The following LIMCH1 variants were observed in gnomAD, a reference collection of about 807,000 sequenced individuals.
LIMCH1 encodes LIM and calponin homology domains-containing protein 1.
Under a neutral mutation model 176.5 loss-of-function variants are expected in LIMCH1, and 113 were observed. The ratio of observed to expected loss-of-function variants is 0.64; its 90% confidence interval spans 0.55 to 0.75. The LOEUF is 0.75. Ranked by LOEUF, LIMCH1 falls within the 30% of genes least tolerant of loss-of-function variation. The probability of loss-of-function intolerance (pLI) is 0.00; values close to 1 mark genes in which losing one functional copy is unlikely to be tolerated. For missense variants in LIMCH1, 1,674 were observed against 1,814.9 expected, an observed-to-expected ratio of 0.92 and a Z score of 1.41; for synonymous variants, 619 against 645.9, an observed-to-expected ratio of 0.96 and a Z score of 0.63.
chr4:41,570,086 T>C (rs571340645), intron 1 of LIMCH1, among the ~76,000 whole-genome samples: 3 of 152,312 alleles, frequency 2.0e-5, no homozygotes, highest in Non-Finnish European at 4.4e-5. Flanking sequence ...GCGTGGGATA[T>C]TAGGTATGAG....
intron 4 of LIMCH1, among the ~76,000 whole-genome samples, chr4:41,607,073 G>A (rs1486184418): frequency 2.6e-5 from 4 of 152,100 alleles, no homozygotes; most frequent in Non-Finnish European, 5.9e-5. Flanking sequence ...TGCTGAGATT[G>A]CAAGTGTGAG....
intron 2 of LIMCH1, among the ~76,000 whole-genome samples, chr4:41,506,965 C>T (rs565045652): frequency 6.6e-6 from 1 of 152,288 alleles, no homozygotes; most frequent in African/African-American, 2.4e-5. Context: ...AACAGGTCCT[C>T]AGGTGATCCA....
At chr4:41,486,971 C>CAT (rs1331280102) in intron 1 of LIMCH1, among the ~76,000 whole-genome samples, 154 of 127,890 alleles carry the variant, frequency 1.2e-3, no homozygotes, top group Middle Eastern at 3.7e-3. Context: ...CACACACACA[C>CAT]ATACATACAC....
chr4:41,664,428 G>T (rs2152989377), intron 20 of LIMCH1, among the ~76,000 whole-genome samples: 1 of 152,276 alleles, frequency 6.6e-6, no homozygotes, highest in Middle Eastern at 3.4e-3. Context: ...AATGCCTGTT[G>T]CCTTGATGCG....
intron 1 of LIMCH1, among the ~76,000 whole-genome samples, chr4:41,544,627 C>T (rs1479987341): frequency 6.6e-6 from 1 of 152,140 alleles, no homozygotes; most frequent in Non-Finnish European, 1.5e-5. Flanking sequence ...ACCTCCTCTC[C>T]AAGCAAGGCT....
intron 1 of LIMCH1, among the ~76,000 whole-genome samples, chr4:41,484,293 C>G (rs1296145876): frequency 6.6e-6 from 1 of 152,148 alleles, no homozygotes; most frequent in Non-Finnish European, 1.5e-5. Flanking sequence ...AGGGTTGGGA[C>G]CAGATCTTGT....
chr4:41,486,406 ATGGACTGT>A (rs1447577127), intron 1 of LIMCH1, among the ~76,000 whole-genome samples: 2 of 152,182 alleles, frequency 1.3e-5, no homozygotes, highest in Non-Finnish European at 2.9e-5. Flanking sequence ...TACCCTGCAA[ATGGACTGT>A]TGGTACTGGT....
chr4:41,679,237 A>G (rs777157210), intron 23 of LIMCH1, among the ~76,000 whole-genome samples: 19 of 152,194 alleles, frequency 1.2e-4, no homozygotes, highest in Non-Finnish European at 2.9e-5. Context: ...GCCATTCCCA[A>G]GGCATCAGGA....
chr4:41,530,539 G>A (rs1415444942), intron 3 of LIMCH1, among the ~76,000 whole-genome samples: 1 of 151,974 alleles, frequency 6.6e-6, no homozygotes, highest in Non-Finnish European at 1.5e-5. Context: ...AGGCATGGTG[G>A]CTCATGCCTG....
chr4:41,551,068 A>G (rs1187246580), intron 1 of LIMCH1: 1 of 152,186 alleles, frequency 6.6e-6, no homozygotes, highest in Non-Finnish European at 1.5e-5. Context: ...ATTGGAGACT[A>G]ACTCTTTGAT....
intron 1 of LIMCH1, among the ~76,000 whole-genome samples, chr4:41,542,888 T>C (rs1336023932): frequency 6.6e-6 from 1 of 152,196 alleles, no homozygotes; most frequent in East Asian, 1.9e-4. Context: ...ACTGAAAAAA[T>C]TGTAACATTG....
In LIMCH1 at chr4:41,646,262, G is replaced by A; in HGVS notation, c.2393G>A (p.Arg798Lys). 1 of 1,609,888 alleles carries A rather than the reference G, an allele frequency of 6.2e-7. No individual in the cohort carries two copies. The highest frequency in any genetic ancestry group is 8.5e-7 in the Non-Finnish European group (1 of 1,179,104). Residue 798 changes from arginine to lysine, a missense_variant, in exon 16 of 32, where the codon AGA (arginine) becomes AAA (lysine). Arg to Lys is a conservative substitution (Grantham distance 26, BLOSUM62 2). Around this residue, in one of 3 missense-constraint regions of LIMCH1, gnomAD observed 1,015 missense variants for 1,102.5 expected, o/e 0.92. Coordinates refer to ENST00000503057, the MANE Select transcript of LIMCH1 (RefSeq NM_001330672.2). ...CGAAGGAAAAGCATCAAAACCTACA[G>A]AGAAATTGTTCAAGAAAAGTGAGTT... The part of the protein sequence containing the change: ...SERRKSIKTY[R>K]EIVQEKERRE...
chr4:41,553,069 C>T (rs10033573), intron 1 of LIMCH1, among the ~76,000 whole-genome samples: 28,925 of 152,092 alleles, frequency 0.19, 4,953 homozygotes, highest in African/African-American at 0.46. Context: ...ATCAGCCTTC[C>T]AGGCGCTACA....
intron 3 of LIMCH1, among the ~76,000 whole-genome samples, chr4:41,604,886 G>T (rs2090480006): frequency 6.6e-6 from 1 of 151,906 alleles, no homozygotes; most frequent in South Asian, 2.1e-4. Flanking sequence ...CCATATTTTG[G>T]GTCTGTCGCC....
intron 1 of LIMCH1, among the ~76,000 whole-genome samples, chr4:41,369,950 G>A (rs2053709179): frequency 6.6e-6 from 1 of 151,870 alleles, no homozygotes; most frequent in South Asian, 2.1e-4. Context: ...GTGTGTGTGT[G>A]TGTGTGTGTT....
intron 1 of LIMCH1, among the ~76,000 whole-genome samples, chr4:41,557,673 A>G (rs978870373): frequency 6.6e-6 from 1 of 152,018 alleles, no homozygotes; most frequent in Admixed American, 6.6e-5. Flanking sequence ...CTAGAAATTT[A>G]AGGTGATGAG....
At chr4:41,383,473 G>C (rs1165607411) in intron 1 of LIMCH1, among the ~76,000 whole-genome samples, 1 of 152,138 alleles carries the variant, frequency 6.6e-6, no homozygotes, top group Non-Finnish European at 1.5e-5. Flanking sequence ...GGGATCTGTG[G>C]GCTTTGTGGC....
chr4:41,380,693 A>T (rs1206375992), intron 1 of LIMCH1, among the ~76,000 whole-genome samples: 1 of 152,186 alleles, frequency 6.6e-6, no homozygotes, highest in East Asian at 1.9e-4. Flanking sequence ...ACAGCAGATG[A>T]CAAAATAAGT....
rs113182104 is a variant in LIMCH1, at chr4:41,388,479, G to A, written c.96+27543G>A. Among the ~76,000 whole-genome samples the A allele has an allele frequency of 4.5e-3, 684 of 152,354 alleles. 12 individuals are homozygous for A. Among genetic ancestry groups the A allele is most frequent in the African/African-American group, 0.016 (662 of 41,586 alleles). On this transcript the variant is annotated intron_variant, in intron 1 of 26. Coordinates refer to the LIMCH1 transcript ENST00000313860. ...AGAGTTGCCTGGGCTGCAGATGGGT[G>A]TAACCATTAACTGCTCATGGGCAGG...
Sources: allele counts gnomAD v4.1 joint callset (sites outside exome capture counted in the v4.1 genomes callset), GRCh38; gene constraint gnomAD v4.1.1; regional missense constraint gnomAD v4.1.1; transcripts MANE v1.5; gene names NCBI Gene and HGNC (gene_info 2026-07-23, HGNC 2026-07-21).